BDP1: variants seen among roughly 807,000 people sequenced by gnomAD.
BDP1 encodes the protein transcription factor TFIIIB component B'' homolog.
In BDP1, 169 loss-of-function variants were observed where a neutral mutation model predicts 266.6. The ratio of observed to expected loss-of-function variants is 0.63; its 90% CI spans 0.56 to 0.72. BDP1 has a LOEUF of 0.72. BDP1 is among the 30% of genes least tolerant of loss of function. The pLI is 0.00. For missense variants in BDP1, 3,015 were observed against 3,053.8 expected, an observed-to-expected ratio of 0.99 and a Z score of 0.30; for synonymous variants, 1,090 against 1,022.4, an observed-to-expected ratio of 1.07 and a Z score of -1.26.
At chr5:71,464,958 C>T (rs535512990) in intron 4 of BDP1, among the ~76,000 whole-genome samples, 17 of 151,794 alleles carry the variant, frequency 1.1e-4, no homozygotes, top group Non-Finnish European at 1.9e-4. Flanking sequence ...ACCTCGTGAT[C>T]GGCCCGCCTC....
chr5:71,463,452 T>C (rs1462656726), intron 3 of BDP1, among the ~76,000 whole-genome samples: 1 of 151,886 alleles, frequency 6.6e-6, no homozygotes, highest in African/African-American at 2.4e-5. Flanking sequence ...CATCCAGGAG[T>C]TGGAGACAAG....
rs772893016 is a variant in BDP1 at position 71,512,435 on chromosome 5, G to A, written c.4247+7G>A. On this transcript the variant is annotated splice_region_variant and intron_variant, in intron 18 of 38. Coordinates refer to ENST00000358731, the MANE Select transcript of BDP1 (RefSeq NM_018429.3). Reference sequence around the variant, plus strand: ...TTTCAGATATTAATTTAAGGTACAAGTGTGTTTTTAAAGAAAAAGATATTA... The same window carrying A: ...TTTCAGATATTAATTTAAGGTACAAATGTGTTTTTAAAGAAAAAGATATTA... The A allele has an allele frequency of 5.3e-6, 8 of 1,496,930 alleles. No homozygotes were observed. The South Asian group carries it at 8.5e-5, about 16-fold the overall frequency. The allele number at this position is 1,496,930 out of a possible 1,614,324, so 92.7% of individuals were successfully genotyped here. A position where few individuals can be genotyped will look rare whatever the true frequency, so the allele number is the denominator to read the frequency against.
intron 7 of BDP1, chr5:71,476,307 C>G (rs1171449414): frequency 1.3e-5 from 2 of 152,800 alleles, no homozygotes; most frequent in Non-Finnish European, 2.9e-5. Context: ...GTTCAGCACA[C>G]TGAACCAGCT....
intron 34 of BDP1, among the ~76,000 whole-genome samples, chr5:71,550,261 C>T (rs764287681): frequency 1.3e-5 from 2 of 152,142 alleles, no homozygotes; most frequent in African/African-American, 2.4e-5. Context: ...TGGCCTGCGC[C>T]TGTAATCCCA....
At chr5:71,505,054 G>T (rs1305176571) in intron 16 of BDP1, among the ~76,000 whole-genome samples, 4 of 151,750 alleles carry the variant, frequency 2.6e-5, no homozygotes, top group East Asian at 1.9e-4. Flanking sequence ...CACTCTTCTT[G>T]CCTGGGCTGG....
intron 15 of BDP1, among the ~76,000 whole-genome samples, chr5:71,503,960 G>A (rs1764414417): frequency 6.6e-6 from 1 of 151,358 alleles, no homozygotes. Context: ...GGGTGACAGA[G>A]TGAGACCCTG....
intron 23 of BDP1, 74 bp from the exon 24 acceptor site, chr5:71,522,682 G>A: frequency 7.0e-7 from 1 of 1,427,086 alleles, no homozygotes; most frequent in African/African-American, 1.4e-5. Flanking sequence ...AGAGGTTTAG[G>A]CCAAACTACC....
At chr5:71,457,073 CAGAA>C (rs923077098) in intron 1 of BDP1, among the ~76,000 whole-genome samples, 7 of 152,064 alleles carry the variant, frequency 4.6e-5, no homozygotes, top group Admixed American at 2.6e-4. Context: ...AATTTCTACA[CAGAA>C]AGGAGATACC....
intron 38 of BDP1, among the ~76,000 whole-genome samples, chr5:71,564,195 T>C (rs1023008311): frequency 1.3e-5 from 2 of 152,144 alleles, no homozygotes; most frequent in Non-Finnish European, 2.9e-5. Flanking sequence ...GTCTTCTGTT[T>C]CATTGATATA....
At chr5:71,572,695 C>T (rs572546679), downstream of BDP1, among the ~76,000 whole-genome samples, 4 of 152,296 alleles carry the variant, frequency 2.6e-5, no homozygotes, top group African/African-American at 9.6e-5. Context: ...GAGGTTATTA[C>T]GCATAACCCA....
Position 71,524,289 on chromosome 5 carries a change from C to A in BDP1, c.5738C>A (p.Pro1913His). The A allele has an allele frequency of 6.2e-7, 1 of 1,604,794 alleles. No homozygotes were observed. The change falls in exon 25 of 39, where the codon CCT becomes CAT. Residue 1913 changes from proline (P) to histidine (H), a missense_variant. Physicochemically the swap from Pro to His is moderately conservative, Grantham distance 77. Transcript: ENST00000358731. The stretch of plus-strand genomic sequence containing the variant: ...CCTGTTGGTCTCAGATCTCCTGAAC[C>A]TGTTTCTGCTCAGATTGAGGAAACA... ...FVPVGLRSPE[P>H]VSAQIEETME...
chr5:71,517,561 G>C (rs1393098103), intron 22 of BDP1, 109 bp downstream of exon 22: 4 of 970,232 alleles, frequency 4.1e-6, no homozygotes, highest in African/African-American at 1.7e-5. Flanking sequence ...AATGTTAAAA[G>C]GATAAAGTAA....
chr5:71,522,379 TAAGA>T lies in BDP1; in HGVS notation c.5087_5090del (p.Lys1696ArgfsTer5). The T allele has an allele frequency of 6.2e-7, 1 of 1,613,048 alleles. No homozygotes were observed. Among genetic ancestry groups the T allele is most frequent in the Non-Finnish European group, 8.5e-7 (1 of 1,179,862 alleles). ...AGCCAAATTTGGGAAGAGCACACAG[TAAGA>T]AAGAGGAACCAGTTTTAGAAAAAGT... On this transcript the variant is annotated frameshift_variant, in exon 23 of 39. Coordinates refer to ENST00000358731, the MANE Select transcript of BDP1 (RefSeq NM_018429.3). LOFTEE classifies it high-confidence loss of function.
intron 2 of BDP1, among the ~76,000 whole-genome samples, chr5:71,460,741 G>A (rs922418087): frequency 6.6e-6 from 1 of 151,826 alleles, no homozygotes; most frequent in Non-Finnish European, 1.5e-5. Context: ...AATTGGGGGT[G>A]GGGGGATTAA....
intron 2 of BDP1, 63 bp from the exon 3 acceptor site, chr5:71,461,754 C>A: frequency 1.1e-6 from 1 of 910,084 alleles, no homozygotes; most frequent in Non-Finnish European, 1.8e-6. Flanking sequence ...TGTATATTTG[C>A]ATATAGTACA....
intron 6 of BDP1, among the ~76,000 whole-genome samples, chr5:71,468,583 T>C (rs1217571543): frequency 6.7e-6 from 1 of 150,164 alleles, no homozygotes; most frequent in Non-Finnish European, 1.5e-5. Context: ...ACCATTTAAA[T>C]AAAAATTAAC....
chr5:71,522,167 AT>A (rs1329132311), intron 22 of BDP1, 121 bp from the exon 23 acceptor site: 8 of 714,340 alleles, frequency 1.1e-5, no homozygotes, highest in Non-Finnish European at 1.9e-5. Flanking sequence ...TTTATTGCCA[AT>A]TTATATATAG....
intron 25 of BDP1, among the ~76,000 whole-genome samples, chr5:71,532,002 G>A (rs1402832846): frequency 6.6e-6 from 1 of 152,128 alleles, no homozygotes; most frequent in Non-Finnish European, 1.5e-5. Context: ...AGAGAAATTA[G>A]GGGGAAAGTG....
At chr5:71,504,856 G>A (rs762542974) in intron 16 of BDP1, 105 bp downstream of exon 16, 21 of 1,043,394 alleles carry the variant, frequency 2.0e-5, no homozygotes, top group South Asian at 4.2e-5. Flanking sequence ...TGTTGTCTGC[G>A]TGTCTAGTTA....
Sources: allele counts gnomAD v4.1 joint callset (sites outside exome capture counted in the v4.1 genomes callset), GRCh38; gene constraint gnomAD v4.1.1; transcripts MANE v1.5; gene names NCBI Gene and HGNC (gene_info 2026-07-23, HGNC 2026-07-21).